The following AIG1 variants were observed in gnomAD, a reference collection of about 807,000 sequenced individuals.
The protein encoded by AIG1 is androgen induced 1.
AIG1 carries 23 observed loss-of-function variants against 31.4 expected under a neutral mutation model. That is an observed-to-expected ratio of 0.73 (90% confidence interval 0.53 to 1.04). The LOEUF is 1.04. Ranked by LOEUF, AIG1 falls within the 50% of genes least tolerant of loss-of-function variation. AIG1 has a pLI of 0.00. For missense variants in AIG1, 274 were observed against 295.0 expected (o/e 0.93, Z 0.52); for synonymous variants, 100 against 110.5 (o/e 0.90, Z 0.60).
chr6:143,095,247 C>T (rs1036571177), intron 1 of AIG1, among the ~76,000 whole-genome samples: 6 of 151,436 alleles, frequency 4.0e-5, no homozygotes, highest in Admixed American at 2.6e-4. Context: ...TTGATTATTC[C>T]TGAATAATAA....
At chr6:143,114,096 A>G (rs1415029898) in intron 1 of AIG1, among the ~76,000 whole-genome samples, 2 of 152,194 alleles carry the variant, frequency 1.3e-5, no homozygotes, top group Middle Eastern at 3.2e-3. Context: ...TTAACCTGTT[A>G]AACAAACAGA....
intron 2 of AIG1, among the ~76,000 whole-genome samples, chr6:143,163,663 A>G (rs973749647): frequency 1.3e-5 from 2 of 152,156 alleles, no homozygotes; most frequent in African/African-American, 2.4e-5. Flanking sequence ...TATCCACAGC[A>G]GTGCCCCAAA....
intron 3 of AIG1, among the ~76,000 whole-genome samples, chr6:143,165,819 C>T (rs560009203): frequency 1.3e-5 from 2 of 152,300 alleles, no homozygotes; most frequent in East Asian, 3.9e-4. Flanking sequence ...AGTTTCAAAT[C>T]CAGTGCTTTG....
intron 4 of AIG1, among the ~76,000 whole-genome samples, chr6:143,315,634 C>T (rs1775680229): frequency 6.6e-6 from 1 of 152,084 alleles, no homozygotes; most frequent in South Asian, 2.1e-4. Flanking sequence ...AAAGCTGAAT[C>T]AAGTCATAAA....
chr6:143,143,810 C>T (rs1388174686), intron 2 of AIG1, among the ~76,000 whole-genome samples: 1 of 151,590 alleles, frequency 6.6e-6, no homozygotes, highest in Non-Finnish European at 1.5e-5. Flanking sequence ...AATTGAGTTA[C>T]CTAAGAAGGA....
intron 1 of AIG1, among the ~76,000 whole-genome samples, chr6:143,111,353 A>G (rs1781263762): frequency 6.6e-6 from 1 of 152,216 alleles, no homozygotes; most frequent in South Asian, 2.1e-4. Context: ...TTCTTTCGAC[A>G]TTTGAGATTA....
In AIG1 at chr6:143,063,992, C is replaced by G. The variant is rs374987880; in HGVS notation, c.141+2926C>G. 4.1e-4 allele frequency among the ~76,000 whole-genome samples: 62 copies of G among 152,264 alleles called. No homozygotes were observed. In the East Asian group the frequency reaches 7.3e-3, roughly 18 times the overall value. Reference sequence around the variant, plus strand: ...TTATACTGTTATTCTCCAATGGTTTCTTTTCCTAGTATTGAGAAACTGTAA... The same window carrying G: ...TTATACTGTTATTCTCCAATGGTTTGTTTTCCTAGTATTGAGAAACTGTAA... On this transcript the variant is annotated intron_variant, in intron 1 of 5. Coordinates refer to ENST00000357847, the MANE Select transcript of AIG1 (RefSeq NM_016108.4).
At chr6:143,300,837 A>T (rs767573906) in intron 4 of AIG1, among the ~76,000 whole-genome samples, 1 of 152,252 alleles carries the variant, frequency 6.6e-6, no homozygotes, top group Non-Finnish European at 1.5e-5. Flanking sequence ...AGAAGGCATC[A>T]TGGAGAAGAA....
Position 143,205,636 on chromosome 6 carries a change from A to C in AIG1, c.399+40453A>C, listed in dbSNP as rs533643681. 7.9e-5 allele frequency among the ~76,000 whole-genome samples: 12 copies of C among 152,348 alleles called. No individual in the cohort carries two copies. In the South Asian group the frequency reaches 2.1e-3, roughly 26 times the overall value. On this transcript the variant is annotated intron_variant, in intron 3 of 5. Coordinates refer to ENST00000357847, the MANE Select transcript of AIG1 (RefSeq NM_016108.4). ...TCAGGATAGCTGAATTTGGAATATG[A>C]CATTTTGCCAAGTCAGCATCACACT... is the stretch of plus-strand genomic sequence containing the variant.
At chr6:143,159,690 A>G (rs1331088279) in intron 2 of AIG1, among the ~76,000 whole-genome samples, 1 of 152,194 alleles carries the variant, frequency 6.6e-6, no homozygotes, top group East Asian at 1.9e-4. Flanking sequence ...ATTTGAGGAT[A>G]TGGTTGAGGA....
At chr6:143,076,698 A>C (rs377598076) in intron 1 of AIG1, among the ~76,000 whole-genome samples, 8 of 121,446 alleles carry the variant, frequency 6.6e-5, no homozygotes, top group African/African-American at 2.6e-4. Flanking sequence ...TTTGAGATGG[A>C]GTCTTGCTTT....
intron 3 of AIG1, among the ~76,000 whole-genome samples, chr6:143,222,397 TTG>T (rs1554259346): frequency 2.2e-5 from 3 of 137,926 alleles, no homozygotes; most frequent in East Asian, 2.3e-4. Flanking sequence ...GGTTTTTTTT[TTG>T]TTGTTGTTGT....
intron 2 of AIG1, among the ~76,000 whole-genome samples, chr6:143,145,655 A>G (rs1583317094): frequency 6.6e-6 from 1 of 152,218 alleles, no homozygotes; most frequent in African/African-American, 2.4e-5. Flanking sequence ...AAATGAAGTT[A>G]CCATGAGGGC....
At chr6:143,059,983 G>C (rs949204629), upstream of AIG1, among the ~76,000 whole-genome samples, 3 of 152,094 alleles carry the variant, frequency 2.0e-5, no homozygotes, top group Non-Finnish European at 4.4e-5. Context: ...AAAAGTAAGG[G>C]CAAAACCAGT....
intron 4 of AIG1, among the ~76,000 whole-genome samples, chr6:143,307,916 G>T (rs542688188): frequency 5.3e-4 from 81 of 152,334 alleles, no homozygotes; most frequent in African/African-American, 1.9e-3. Context: ...AATGGCGGGC[G>T]CCCCTCCCCC....
intron 2 of AIG1, among the ~76,000 whole-genome samples, chr6:143,151,969 G>A (rs916734853): frequency 2.0e-5 from 3 of 152,196 alleles, no homozygotes; most frequent in Admixed American, 2.0e-4. Context: ...TGTCTACAAA[G>A]CTGGTGATGC....
intron 1 of AIG1, among the ~76,000 whole-genome samples, chr6:143,079,862 G>C (rs971623587): frequency 6.7e-6 from 1 of 149,728 alleles, no homozygotes; most frequent in African/African-American, 2.5e-5. Context: ...GGGACCCAAA[G>C]GGGGTTGCCA....
chr6:143,300,558 C>T (rs572220568), intron 4 of AIG1, among the ~76,000 whole-genome samples: 1 of 152,050 alleles, frequency 6.6e-6, no homozygotes, highest in South Asian at 2.1e-4. Flanking sequence ...AGTCCCTTTT[C>T]AAAAGAAAAA....
At chr6:143,089,772 G>T (rs1179610764) in intron 1 of AIG1, among the ~76,000 whole-genome samples, 1 of 152,112 alleles carries the variant, frequency 6.6e-6, no homozygotes, top group Non-Finnish European at 1.5e-5. Context: ...ACCAGCTCTT[G>T]TGGGAACTAA....
Sources: allele counts gnomAD v4.1 joint callset (sites outside exome capture counted in the v4.1 genomes callset), GRCh38; gene constraint gnomAD v4.1.1; transcripts MANE v1.5; gene names NCBI Gene and HGNC (gene_info 2026-07-23, HGNC 2026-07-21).